Variants in ZPBP observed in about 807,000 individuals in gnomAD.
ZPBP encodes the protein zona pellucida-binding protein 1.
Under a neutral mutation model 44.8 loss-of-function variants are expected in ZPBP, and 26 were observed. The ratio of observed to expected loss-of-function variants is 0.58; its 90% CI spans 0.43 to 0.81. The LOEUF is 0.81. Ranked by LOEUF, ZPBP falls within the 30% of genes least tolerant of loss-of-function variation. The pLI is 0.00. For synonymous variants in ZPBP, 174 were observed against 153.2 expected (o/e 1.14, Z -1.00); for missense variants, 409 against 434.0 (o/e 0.94, Z 0.51).
chr7:49,952,645 G>A (rs1795396828), intron 7 of ZPBP, among the ~76,000 whole-genome samples: 1 of 151,958 alleles, frequency 6.6e-6, no homozygotes, highest in African/African-American at 2.4e-5. Context: ...AACAATAAAT[G>A]CTGGAAGAGA....
At chr7:49,926,687 T>A (rs1450646494) in intron 1 of ZPBP, among the ~76,000 whole-genome samples, 1 of 152,172 alleles carries the variant, frequency 6.6e-6, no homozygotes, top group Non-Finnish European at 1.5e-5. Flanking sequence ...TTGGATCCTC[T>A]GAGAAACTGT....
At chr7:50,055,078 C>T (rs1212454185) in intron 4 of ZPBP, among the ~76,000 whole-genome samples, 3 of 152,146 alleles carry the variant, frequency 2.0e-5, no homozygotes, top group East Asian at 3.8e-4. Context: ...TATGAATTCC[C>T]TGCAGATTTT....
At chr7:50,020,160 T>C (rs997584512) in intron 5 of ZPBP, among the ~76,000 whole-genome samples, 5 of 152,082 alleles carry the variant, frequency 3.3e-5, no homozygotes, top group African/African-American at 1.2e-4. Flanking sequence ...TTGAATGGAC[T>C]GTCCACAAAG....
chr7:49,971,871 A>G (rs1006959418), intron 7 of ZPBP, among the ~76,000 whole-genome samples: 2 of 152,088 alleles, frequency 1.3e-5, no homozygotes, highest in Non-Finnish European at 2.9e-5. Flanking sequence ...AAAATTCAAT[A>G]ACATACTAAA....
At chr7:50,082,615 G>A (rs1045312011) in intron 2 of ZPBP, among the ~76,000 whole-genome samples, 1 of 151,650 alleles carries the variant, frequency 6.6e-6, no homozygotes, top group Admixed American at 6.6e-5. Context: ...TTCTGTGATC[G>A]AGTAAAATAA....
intron 2 of ZPBP, among the ~76,000 whole-genome samples, chr7:49,855,811 G>A (rs1446693252): frequency 6.6e-6 from 1 of 152,204 alleles, no homozygotes. Context: ...CCAGGGGCCG[G>A]TGGCTGACGG....
intron 2 of ZPBP, among the ~76,000 whole-genome samples, chr7:49,892,292 C>T (rs1473475060): frequency 6.6e-6 from 1 of 151,736 alleles, no homozygotes; most frequent in African/African-American, 2.4e-5. Flanking sequence ...GTGATCTGCC[C>T]GCCTCGGCCT....
At chr7:49,933,483 A>T (rs1268891075), downstream of ZPBP, among the ~76,000 whole-genome samples, 1 of 152,230 alleles carries the variant, frequency 6.6e-6, no homozygotes. Context: ...CCATTGTGGA[A>T]GTCAGTGTGG....
chr7:49,909,933 A>C (rs181282487), intron 1 of ZPBP, among the ~76,000 whole-genome samples: 241 of 152,028 alleles, frequency 1.6e-3, no homozygotes, highest in African/African-American at 4.8e-3. Context: ...GAAAGACCTC[A>C]TATCTCCAAA....
At chr7:49,899,082 A>G (rs1792562225) in intron 2 of ZPBP, among the ~76,000 whole-genome samples, 1 of 152,070 alleles carries the variant, frequency 6.6e-6, no homozygotes, top group South Asian at 2.1e-4. Context: ...ACACACCACT[A>G]TTTGTTGTCT....
At position 49,955,942 on chromosome 7, in the gene ZPBP, A is replaced by G. The variant is rs1232562890; in HGVS notation, c.962-18320T>C. Among the ~76,000 whole-genome samples the G allele has an allele frequency of 3.9e-5, 6 of 152,212 alleles. No individual in the cohort carries two copies. In the East Asian group the frequency reaches 7.7e-4, roughly 20 times the overall value. On this transcript the variant is annotated intron_variant, in intron 7 of 7. Transcript: ENST00000046087. ...AGGCTCAGAAAATCTGAAAAGCCCT[A>G]TATCAATTAACCACTGAATTATAAT...
At chr7:49,990,486 G>A (rs574341471) in intron 6 of ZPBP, among the ~76,000 whole-genome samples, 39 of 152,196 alleles carry the variant, frequency 2.6e-4, no homozygotes, top group South Asian at 1.0e-3. Context: ...GGGATGAGTC[G>A]CTCCCCTCTT....
intron 2 of ZPBP, among the ~76,000 whole-genome samples, chr7:49,897,756 G>A (rs979810772): frequency 2.6e-5 from 4 of 152,152 alleles, no homozygotes; most frequent in African/African-American, 7.2e-5. Context: ...AAACCTAACC[G>A]GTAACTGATG....
chr7:49,988,551 T>C (rs1359262743), intron 6 of ZPBP, among the ~76,000 whole-genome samples: 1 of 152,236 alleles, frequency 6.6e-6, no homozygotes, highest in Non-Finnish European at 1.5e-5. Flanking sequence ...AAGGTTGTTA[T>C]GCTAAGTTAT....
intron 7 of ZPBP, among the ~76,000 whole-genome samples, chr7:49,978,253 ATAATTT>A (rs1465339298): frequency 1.3e-5 from 2 of 151,846 alleles, no homozygotes; most frequent in African/African-American, 4.8e-5. Context: ...AGTATATTAT[ATAATTT>A]ATAAAATTAT....
chr7:49,981,217 ATATT>A (rs1796855429), intron 7 of ZPBP, among the ~76,000 whole-genome samples: 1 of 117,234 alleles, frequency 8.5e-6, no homozygotes, highest in African/African-American at 3.1e-5. Context: ...AATGTAATAT[ATATT>A]TATATACAAA....
intron 2 of ZPBP, among the ~76,000 whole-genome samples, chr7:49,872,031 G>GA (rs1490160141): frequency 6.8e-6 from 1 of 146,106 alleles, no homozygotes; most frequent in East Asian, 2.0e-4. Flanking sequence ...GTAATATATA[G>GA]AAAAAAATTA....
intron 6 of ZPBP, among the ~76,000 whole-genome samples, chr7:49,997,686 G>A (rs1251373595): frequency 6.6e-6 from 1 of 152,174 alleles, no homozygotes; most frequent in Non-Finnish European, 1.5e-5. Flanking sequence ...GAAGTGGAAA[G>A]GCAGATACCA....
At chr7:49,945,042 G>C (rs893438019) in intron 7 of ZPBP, among the ~76,000 whole-genome samples, 1 of 152,108 alleles carries the variant, frequency 6.6e-6, no homozygotes, top group Admixed American at 6.6e-5. Flanking sequence ...GGTACATCAG[G>C]TTTCCATTTT....
Sources: allele counts gnomAD v4.1 joint callset (sites outside exome capture counted in the v4.1 genomes callset), GRCh38; gene constraint gnomAD v4.1.1; transcripts MANE v1.5; gene names NCBI Gene and HGNC (gene_info 2026-07-23, HGNC 2026-07-21).